The following ADGRV1 variants were observed in gnomAD, a reference collection of about 807,000 sequenced individuals.
ADGRV1 encodes adhesion G protein-coupled receptor V1, also known as G-protein coupled receptor 98.
A neutral mutation model predicts 596.2 loss-of-function variants in ADGRV1; 359 were observed. The ratio of observed to expected loss-of-function variants is 0.60; its 90% CI spans 0.55 to 0.66. ADGRV1 has a LOEUF of 0.66. ADGRV1 is among the 30% of genes least tolerant of loss of function. The probability of loss-of-function intolerance (pLI) is 0.00; values close to 1 mark genes in which losing one functional copy is unlikely to be tolerated. For missense variants in ADGRV1, 7,274 were observed against 7,575.6 expected (o/e 0.96, Z 1.48); for synonymous variants, 2,681 against 2,679.2 (o/e 1.00, Z -0.02).
At chr5:90,776,335 A>G (rs758209415) in intron 60 of ADGRV1, 118 bp from the exon 61 acceptor site, 12 of 923,550 alleles carry the variant, frequency 1.3e-5, no homozygotes, top group Non-Finnish European at 2.1e-5. Flanking sequence ...CCTTACTGAT[A>G]TGAGAGTCAT....
rs751079646 is a variant in ADGRV1, at chr5:90,848,856, A to G, written c.17204+35A>G. 4 of 1,464,232 alleles carry G rather than the reference A, an allele frequency of 2.7e-6. No homozygotes were observed. The East Asian group carries it at 1.0e-4, about 37-fold the overall frequency. 90.7% of individuals were successfully genotyped at this position (1,464,232 alleles called of 1,614,324 possible). A position where few individuals can be genotyped will look rare whatever the true frequency, so the allele number is the denominator to read the frequency against. On this transcript the variant is annotated intron_variant, in intron 79 of 89. Coordinates refer to ENST00000405460, the MANE Select transcript of ADGRV1 (RefSeq NM_032119.4). ...TTTTAATATATTAGCAGTACCTTTT[A>G]TGCATTTTTTTCACTGTTTACAAAG...
chr5:91,034,177 ATC>A, intron 85 of ADGRV1, among the ~76,000 whole-genome samples: 1 of 152,118 alleles, frequency 6.6e-6, no homozygotes, highest in Non-Finnish European at 1.5e-5. Flanking sequence ...GGAAGACCAA[ATC>A]TAGTATAGGC....
At chr5:90,936,125 A>G (rs915165858) in intron 83 of ADGRV1, among the ~76,000 whole-genome samples, 2 of 152,292 alleles carry the variant, frequency 1.3e-5, no homozygotes, top group Non-Finnish European at 1.5e-5. Context: ...TCATTGCTCT[A>G]TGTGGTGCAG....
chr5:90,651,900 TTCAAAAAAAAAA>T (rs1768679081), intron 18 of ADGRV1, among the ~76,000 whole-genome samples, 170 bp downstream of exon 18: 1 of 152,070 alleles, frequency 6.6e-6, no homozygotes, highest in Admixed American at 6.6e-5. Context: ...GCCACTTATC[TTCAAAAAAAAAA>T]ATCTTTTAGC....
At chr5:90,996,549 T>C (rs900687842) in intron 85 of ADGRV1, among the ~76,000 whole-genome samples, 2 of 152,146 alleles carry the variant, frequency 1.3e-5, no homozygotes, top group African/African-American at 4.8e-5. Context: ...ATGGAGAACC[T>C]TTACTAGGGC....
intron 23 of ADGRV1, 69 bp downstream of exon 23, chr5:90,674,303 T>C (rs2149545934): frequency 7.8e-7 from 1 of 1,279,248 alleles, no homozygotes; most frequent in South Asian, 2.1e-5. Flanking sequence ...AAGAACTTCT[T>C]AAGGCACTTT....
intron 53 of ADGRV1, among the ~76,000 whole-genome samples, chr5:90,751,583 A>G (rs913906904): frequency 1.3e-5 from 2 of 152,186 alleles, no homozygotes; most frequent in Non-Finnish European, 2.9e-5. Flanking sequence ...ATGATTAACA[A>G]CAAGAGGGAT....
rs74378773 is a variant in ADGRV1 at position 91,026,086 on chromosome 5, A to G, written c.18152+40564A>G. ...GAAAACTGAGGTACAAAAAAATTACATACAATTAATACAAAGTCCCACAGC... is the reference window on the plus strand; with the variant it reads ...GAAAACTGAGGTACAAAAAAATTACGTACAATTAATACAAAGTCCCACAGC... On this transcript the variant is annotated intron_variant, in intron 85 of 89. Coordinates refer to ENST00000405460, the MANE Select transcript of ADGRV1 (RefSeq NM_032119.4). Among the ~76,000 whole-genome samples, 376 of 152,298 alleles carry G rather than the reference A, an allele frequency of 2.5e-3. 7 individuals are homozygous for G. Among genetic ancestry groups the G allele is most frequent in the East Asian group, 0.017 (86 of 5,172 alleles).
chr5:90,790,772 T>C (rs1470895486), intron 69 of ADGRV1, 101 bp from the exon 70 acceptor site: 13 of 740,124 alleles, frequency 1.8e-5, no homozygotes, highest in East Asian at 8.2e-5. Flanking sequence ...TGCACAATTA[T>C]ATTTTTTTTT....
At chr5:90,623,959 T>C (rs1368636162) in intron 5 of ADGRV1, among the ~76,000 whole-genome samples, 2 of 152,204 alleles carry the variant, frequency 1.3e-5, no homozygotes, top group African/African-American at 2.4e-5. Context: ...TTGTGTTTTT[T>C]AGGATCCACA....
chr5:90,651,902 C>A (rs559590470), intron 18 of ADGRV1, among the ~76,000 whole-genome samples, 172 bp downstream of exon 18: 107 of 147,052 alleles, frequency 7.3e-4, no homozygotes, highest in East Asian at 5.3e-3. Context: ...CACTTATCTT[C>A]AAAAAAAAAA....
chr5:90,583,016 GATTT>G (rs1359496065), intron 1 of ADGRV1, among the ~76,000 whole-genome samples: 1 of 151,946 alleles, frequency 6.6e-6, no homozygotes, highest in Non-Finnish European at 1.5e-5. Context: ...ACTTATCTAG[GATTT>G]ATTTTTCTAC....
intron 87 of ADGRV1, among the ~76,000 whole-genome samples, chr5:91,124,666 A>G (rs1395377097): frequency 6.6e-6 from 1 of 152,226 alleles, no homozygotes; most frequent in Non-Finnish European, 1.5e-5. Flanking sequence ...AGATGGGACA[A>G]AAGCAAACTT....
At chr5:90,909,628 A>G (rs1772664817) in intron 83 of ADGRV1, among the ~76,000 whole-genome samples, 1 of 110,396 alleles carries the variant, frequency 9.1e-6, no homozygotes, top group Non-Finnish European at 2.3e-5. Flanking sequence ...CAAAAAGAAA[A>G]AAAAGAGAGA....
intron 58 of ADGRV1, chr5:90,759,838 G>A: frequency 2.4e-6 from 1 of 412,040 alleles, no homozygotes; most frequent in Non-Finnish European, 4.6e-6. Context: ...GGTGGCACAT[G>A]CCTGTATTCC....
Position 90,569,271 on chromosome 5 carries a change from T to G in ADGRV1, c.22+10354T>G, listed in dbSNP as rs1395973431. ...ACCGTTAGTTACAATGGCAATTAAA[T>G]TTCAGTATGAGTTTTGGAGAGGTCA... On this transcript the variant is annotated intron_variant, in intron 1 of 89. Transcript: ENST00000405460. 3.4e-5 allele frequency among the ~76,000 whole-genome samples: 5 copies of G among 149,136 alleles called. No individual in the cohort carries two copies. The Admixed American group carries it at 3.4e-4, about 10-fold the overall frequency.
rs114712178 is a variant in ADGRV1, at chr5:90,588,564, C to T, written c.23-26271C>T. Among the ~76,000 whole-genome samples the T allele has an allele frequency of 7.8e-3, 1,188 of 152,246 alleles. 8 individuals are homozygous for T. Among genetic ancestry groups the T allele is most frequent in the Middle Eastern group, 0.017 (5 of 294 alleles). On this transcript the variant is annotated intron_variant, in intron 1 of 89. Coordinates refer to ENST00000405460, the MANE Select transcript of ADGRV1 (RefSeq NM_032119.4). ...GCCTGAGAAGTGATACGTCCCATGACGTAGAGGTCAGAAAGAAGGCAAGGG... is the reference window on the plus strand; with the variant it reads ...GCCTGAGAAGTGATACGTCCCATGATGTAGAGGTCAGAAAGAAGGCAAGGG...
At chr5:90,634,379 C>A (rs1277026868) in intron 9 of ADGRV1, among the ~76,000 whole-genome samples, 3 of 152,148 alleles carry the variant, frequency 2.0e-5, no homozygotes, top group Admixed American at 6.5e-5. Flanking sequence ...CACAGACCCA[C>A]AAGAGCTCTG....
intron 83 of ADGRV1, among the ~76,000 whole-genome samples, chr5:90,911,826 C>T (rs964284060): frequency 6.6e-6 from 1 of 151,524 alleles, no homozygotes; most frequent in Non-Finnish European, 1.5e-5. Context: ...TTTTGTCTTC[C>T]CAGGAAGTTG....
Sources: allele counts gnomAD v4.1 joint callset (sites outside exome capture counted in the v4.1 genomes callset), GRCh38; gene constraint gnomAD v4.1.1; transcripts MANE v1.5; gene names NCBI Gene and HGNC (gene_info 2026-07-23, HGNC 2026-07-21).